The following SPAG16 variants were observed in gnomAD, a reference collection of about 807,000 sequenced individuals.
The protein encoded by SPAG16 is sperm associated antigen 16.
Under a neutral mutation model 80.4 loss-of-function variants are expected in SPAG16, and 86 were observed. The ratio of observed to expected loss-of-function variants is 1.07; its 90% CI spans 0.90 to 1.28. The LOEUF (loss-of-function observed/expected upper bound fraction) is 1.28, where lower values mean the gene tolerates loss of function less well. Among genes scored for constraint, SPAG16 ranks in the 50% most tolerant of loss-of-function variants. The pLI is 0.00. For missense variants in SPAG16, 870 were observed against 765.3 expected (o/e 1.14, Z -1.61); for synonymous variants, 294 against 265.9 (o/e 1.11, Z -1.03).
intron 11 of SPAG16, among the ~76,000 whole-genome samples, chr2:213,879,036 G>C (rs971604800): frequency 3.3e-5 from 5 of 152,060 alleles, no homozygotes; most frequent in Non-Finnish European, 5.9e-5. Context: ...GTACAATGCT[G>C]TTTTGGTTGC....
In SPAG16 at chr2:213,765,808, G is replaced by A. The variant is rs770747297; in HGVS notation, c.1071-96677G>A. Among the ~76,000 whole-genome samples, 90 of 152,322 alleles carry A rather than the reference G, an allele frequency of 5.9e-4. 1 individual carries two copies. Among genetic ancestry groups the A allele is most frequent in the Middle Eastern group, 3.4e-3 (1 of 294 alleles). Reference sequence around the variant, plus strand: ...TTTTGGTAATGACAGAGGTATGGTTGTGCTGGAAGTTGATGCTTTTGTAGT... The same window carrying A: ...TTTTGGTAATGACAGAGGTATGGTTATGCTGGAAGTTGATGCTTTTGTAGT... On this transcript the variant is annotated intron_variant, in intron 10 of 15. Transcript: ENST00000331683.
At chr2:214,370,185 C>T (rs148328650) in intron 15 of SPAG16, among the ~76,000 whole-genome samples, 167 of 152,268 alleles carry the variant, frequency 1.1e-3, no homozygotes, top group Non-Finnish European at 1.4e-3. Context: ...ACCAGGTCCT[C>T]TTCTGCAATT....
At chr2:214,260,506 CTT>C (rs1343910563) in intron 15 of SPAG16, among the ~76,000 whole-genome samples, 1 of 151,794 alleles carries the variant, frequency 6.6e-6, no homozygotes, top group African/African-American at 2.4e-5. Context: ...TAATTTAGTC[CTT>C]GGTTCATCTG....
intron 12 of SPAG16, among the ~76,000 whole-genome samples, chr2:213,959,216 A>G (rs1022482846): frequency 2.6e-4 from 40 of 151,972 alleles, no homozygotes; most frequent in African/African-American, 8.7e-4. Context: ...TTTGAATGTA[A>G]TATGTCTCAG....
intron 9 of SPAG16, among the ~76,000 whole-genome samples, chr2:213,449,987 A>G (rs1229386828): frequency 1.3e-5 from 2 of 152,062 alleles, no homozygotes; most frequent in African/African-American, 2.4e-5. Flanking sequence ...AGCCCTTTCC[A>G]TACTTAGTCT....
chr2:214,000,739 T>C (rs1213775332), intron 12 of SPAG16, among the ~76,000 whole-genome samples: 1 of 152,234 alleles, frequency 6.6e-6, no homozygotes, highest in African/African-American at 2.4e-5. Flanking sequence ...TGATGTGTGT[T>C]GTGGGTCCAT....
chr2:213,778,441 A>T (rs753178892), intron 10 of SPAG16, among the ~76,000 whole-genome samples: 7 of 152,154 alleles, frequency 4.6e-5, no homozygotes, highest in Non-Finnish European at 1.0e-4. Context: ...AAAAATTTTT[A>T]TACCTTTCAC....
In SPAG16 at chr2:214,056,372, G is replaced by T. The variant is rs1333703702; in HGVS notation, c.1527+42295G>T. Among the ~76,000 whole-genome samples, 10 of 151,802 alleles carry T rather than the reference G, an allele frequency of 6.6e-5. No individual in the cohort carries two copies. In the East Asian group the frequency reaches 1.5e-3, roughly 23 times the overall value. On this transcript the variant is annotated intron_variant, in intron 13 of 15. Transcript: ENST00000331683. ...TTTATAAGCATACCTTGGAGATACT[G>T]CAGTTTCTGTTCCAGACTACCACAA...
intron 10 of SPAG16, among the ~76,000 whole-genome samples, chr2:213,620,892 A>G (rs994973141): frequency 1.3e-5 from 2 of 152,204 alleles, no homozygotes; most frequent in Non-Finnish European, 1.5e-5. Context: ...ATTGAAACAC[A>G]TCAGAGTTTT....
At chr2:214,403,401 A>T (rs1701824371) in intron 15 of SPAG16, among the ~76,000 whole-genome samples, 1 of 149,744 alleles carries the variant, frequency 6.7e-6, no homozygotes, top group African/African-American at 2.4e-5. Flanking sequence ...AATATATGTT[A>T]AAATCTATAA....
At chr2:214,211,670 G>C (rs1030831142) in intron 15 of SPAG16, among the ~76,000 whole-genome samples, 2 of 152,166 alleles carry the variant, frequency 1.3e-5, no homozygotes, top group African/African-American at 4.8e-5. Context: ...GACTGAGAAA[G>C]CCACAGGCTC....
intron 3 of SPAG16, among the ~76,000 whole-genome samples, chr2:213,305,621 GA>G (rs1413885312): frequency 4.1e-4 from 63 of 152,206 alleles, no homozygotes. Context: ...AGGATAATAT[GA>G]TTTTTGATCT....
rs76888789 is a variant in SPAG16, at chr2:214,149,557, C to G, written c.1720+291C>G. Among the ~76,000 whole-genome samples, 205 of 152,144 alleles carry G rather than the reference C, an allele frequency of 1.3e-3. 4 individuals are homozygous for G. The East Asian group carries it at 0.036, about 26-fold the overall frequency. On this transcript the variant is annotated intron_variant, in intron 15 of 15. Transcript: ENST00000331683. The stretch of plus-strand genomic sequence containing the variant: ...GCAAAATATTCAAACCTCCATTCCT[C>G]AGAATCATCATCCAAGGTAAGCAAA...
intron 10 of SPAG16, among the ~76,000 whole-genome samples, chr2:213,537,759 C>G (rs974140796): frequency 6.6e-6 from 1 of 152,096 alleles, no homozygotes. Flanking sequence ...GTTTTACAGT[C>G]TGTTAAGGAA....
At chr2:213,677,839 C>T (rs1365412989) in intron 10 of SPAG16, among the ~76,000 whole-genome samples, 3 of 152,090 alleles carry the variant, frequency 2.0e-5, no homozygotes, top group Admixed American at 6.5e-5. Flanking sequence ...CACACCACAC[C>T]GATTCCAAAA....
chr2:213,960,735 TA>T (rs2044371532), intron 12 of SPAG16, among the ~76,000 whole-genome samples: 1 of 152,172 alleles, frequency 6.6e-6, no homozygotes, highest in African/African-American at 2.4e-5. Context: ...TAAATGTCTT[TA>T]ATGTCTGATG....
At chr2:214,386,491 G>T (rs1700759878) in intron 15 of SPAG16, among the ~76,000 whole-genome samples, 1 of 152,136 alleles carries the variant, frequency 6.6e-6, no homozygotes, top group African/African-American at 2.4e-5. Context: ...ATGGAAATAT[G>T]GAAACAAAGT....
intron 15 of SPAG16, among the ~76,000 whole-genome samples, chr2:214,200,908 A>C (rs2057991028): frequency 6.6e-6 from 1 of 152,168 alleles, no homozygotes; most frequent in African/African-American, 2.4e-5. Context: ...ATATTTGATA[A>C]ATAATAATTA....
intron 10 of SPAG16, among the ~76,000 whole-genome samples, chr2:213,777,418 T>A (rs1009799064): frequency 1.3e-5 from 2 of 151,728 alleles, no homozygotes; most frequent in Non-Finnish European, 2.9e-5. Flanking sequence ...AACTAATTTT[T>A]TTTTTTGAGA....
Sources: gnomAD v4.1 joint callset for allele counts (sites outside exome capture counted in the v4.1 genomes callset) on GRCh38, gnomAD v4.1.1 for gene constraint, MANE v1.5 for transcripts, NCBI Gene and HGNC (gene_info 2026-07-23, HGNC 2026-07-21) for gene names.